RBFOX1: variants seen among roughly 807,000 people sequenced by gnomAD.
RBFOX1 encodes RNA binding protein fox-1 homolog 1.
A neutral mutation model predicts 57.7 loss-of-function variants in RBFOX1; 8 were observed. That is an observed-to-expected ratio of 0.14 (90% confidence interval 0.08 to 0.25). RBFOX1 has a LOEUF of 0.25. RBFOX1 is among the 10% of genes least tolerant of loss of function. The pLI is 1.00. For synonymous variants in RBFOX1, 326 were observed against 222.4 expected (o/e 1.47, Z -4.15); for missense variants, 611 against 548.5 (o/e 1.11, Z -1.14).
At chr16:5,684,395 C>A (rs779873753) in intron 3 of RBFOX1, among the ~76,000 whole-genome samples, 1 of 152,182 alleles carries the variant, frequency 6.6e-6, no homozygotes, top group Non-Finnish European at 1.5e-5. Context: ...CTTCACCAGA[C>A]ATGACCTAGT....
At chr16:7,370,157 G>A (rs1477120121) in intron 4 of RBFOX1, among the ~76,000 whole-genome samples, 1 of 152,184 alleles carries the variant, frequency 6.6e-6, no homozygotes, top group Non-Finnish European at 1.5e-5. Flanking sequence ...CCTCCCTGTG[G>A]ATACCAGTAG....
chr16:7,588,512 C>G (rs954079863), intron 7 of RBFOX1, among the ~76,000 whole-genome samples: 1 of 152,184 alleles, frequency 6.6e-6, no homozygotes, highest in Non-Finnish European at 1.5e-5. Flanking sequence ...CTTTCAATAG[C>G]TCTGACGGGT....
chr16:6,287,118 G>A (rs2076979757), intron 1 of RBFOX1, among the ~76,000 whole-genome samples: 1 of 152,082 alleles, frequency 6.6e-6, no homozygotes, highest in African/African-American at 2.4e-5. Context: ...CCTCACCCAA[G>A]GGTATTCAGA....
At chr16:7,601,015 G>A (rs560548563) in intron 9 of RBFOX1, among the ~76,000 whole-genome samples, 7 of 152,260 alleles carry the variant, frequency 4.6e-5, no homozygotes, top group East Asian at 1.9e-4. Flanking sequence ...GTGTTCTTTG[G>A]GGATCAAATG....
At chr16:6,679,666 T>G (rs1178204579) in intron 3 of RBFOX1, among the ~76,000 whole-genome samples, 1 of 152,198 alleles carries the variant, frequency 6.6e-6, no homozygotes, top group African/African-American at 2.4e-5. Flanking sequence ...AAAACACCTG[T>G]ATAAAGCATA....
chr16:6,824,600 G>T (rs2091858125), intron 3 of RBFOX1, among the ~76,000 whole-genome samples: 1 of 152,082 alleles, frequency 6.6e-6, no homozygotes, highest in African/African-American at 2.4e-5. Context: ...TTAAAGGTGT[G>T]CTGTTTTGTC....
intron 2 of RBFOX1, among the ~76,000 whole-genome samples, chr16:5,531,660 G>A (rs894741360): frequency 6.6e-6 from 1 of 152,124 alleles, no homozygotes; most frequent in Admixed American, 6.5e-5. Context: ...ATTGCCATGA[G>A]GATTAAATGA....
At chr16:6,380,286 T>C (rs1471951817) in intron 2 of RBFOX1, among the ~76,000 whole-genome samples, 1 of 151,862 alleles carries the variant, frequency 6.6e-6, no homozygotes, top group Non-Finnish European at 1.5e-5. Context: ...GGGACTGATG[T>C]TCTCCTTGGA....
At chr16:7,655,861 A>C (rs1279371777) in intron 12 of RBFOX1, among the ~76,000 whole-genome samples, 1 of 152,216 alleles carries the variant, frequency 6.6e-6, no homozygotes, top group Non-Finnish European at 1.5e-5. Context: ...AACATCTCAG[A>C]ATGACACACC....
chr16:7,045,417 T>A (rs1400315907), intron 3 of RBFOX1, among the ~76,000 whole-genome samples: 1 of 152,204 alleles, frequency 6.6e-6, no homozygotes, highest in Non-Finnish European at 1.5e-5. Context: ...TATTCCCAAA[T>A]CTCATTTTCC....
At chr16:6,258,544 G>C (rs950135492) in intron 1 of RBFOX1, among the ~76,000 whole-genome samples, 2 of 152,106 alleles carry the variant, frequency 1.3e-5, no homozygotes, top group Non-Finnish European at 2.9e-5. Context: ...ACCTTCAGTG[G>C]CTCCCTATTG....
intron 3 of RBFOX1, among the ~76,000 whole-genome samples, chr16:7,049,180 C>T (rs1264994660): frequency 6.6e-6 from 1 of 152,146 alleles, no homozygotes; most frequent in African/African-American, 2.4e-5. Flanking sequence ...TTGTTGTCCT[C>T]CACCCAGAAA....
At chr16:6,198,683 T>G (rs919506483) in intron 1 of RBFOX1, among the ~76,000 whole-genome samples, 1 of 152,172 alleles carries the variant, frequency 6.6e-6, no homozygotes, top group Non-Finnish European at 1.5e-5. Flanking sequence ...AAGTTGGTGG[T>G]GATTGAGTCG....
At chr16:5,647,472 C>T (rs539038790) in intron 3 of RBFOX1, among the ~76,000 whole-genome samples, 34 of 152,240 alleles carry the variant, frequency 2.2e-4, no homozygotes, top group African/African-American at 6.3e-4. Context: ...GTCCACTTCA[C>T]GGGGTTATTG....
chr16:5,728,835 C>A (rs34007621), intron 3 of RBFOX1, among the ~76,000 whole-genome samples: 1 of 152,074 alleles, frequency 6.6e-6, no homozygotes, highest in South Asian at 2.1e-4. Flanking sequence ...AGCAAAGTTC[C>A]AAGATCACCT....
chr16:6,484,664 T>G (rs1284163479), intron 2 of RBFOX1, among the ~76,000 whole-genome samples: 2 of 152,108 alleles, frequency 1.3e-5, no homozygotes, highest in African/African-American at 4.8e-5. Flanking sequence ...TATGGGGAAA[T>G]TGGGGGTTTT....
intron 4 of RBFOX1, among the ~76,000 whole-genome samples, chr16:7,364,753 G>T (rs1249541112): frequency 6.6e-6 from 1 of 152,144 alleles, no homozygotes; most frequent in African/African-American, 2.4e-5. Flanking sequence ...ATACTTGCTA[G>T]TTGTGTTCTC....
rs530624818 is a variant in RBFOX1, at chr16:5,651,487, A to T, written c.318+52526A>T. Among the ~76,000 whole-genome samples, 11 of 152,220 alleles carry T rather than the reference A, an allele frequency of 7.2e-5. No individual in the cohort carries two copies. The South Asian group carries it at 2.1e-3, about 29-fold the overall frequency. On this transcript the variant is annotated intron_variant, in intron 3 of 19. Coordinates refer to the RBFOX1 transcript ENST00000641259. ...TGCCCCAGGCCACCTTGCAGAACGG[A>T]GGGACCAAAGCACAGGTTGCCTTTG...
Position 6,719,404 on chromosome 16 carries a change from A to G in RBFOX1, c.-16+64754A>G, listed in dbSNP as rs568058558. On this transcript the variant is annotated intron_variant, in intron 3 of 15. Transcript: ENST00000550418. ...TTAAAATAACTATTACTAATAGTTT[A>G]AAAGTTTTAAAGCATAGTTTCCTCA... Among the ~76,000 whole-genome samples the G allele has an allele frequency of 3.3e-5, 5 of 152,118 alleles. No individual in the cohort carries two copies. In the South Asian group the frequency reaches 8.3e-4, roughly 25 times the overall value.
Sources: allele counts gnomAD v4.1 joint callset (sites outside exome capture counted in the v4.1 genomes callset), GRCh38; gene constraint gnomAD v4.1.1; transcripts MANE v1.5; gene names NCBI Gene and HGNC (gene_info 2026-07-23, HGNC 2026-07-21).